ERVW-1: variants seen among roughly 807,000 people sequenced by gnomAD.
ERVW-1 encodes the protein syncytin-1.
In ERVW-1, 21 loss-of-function variants were observed where a neutral mutation model predicts 16.6. The observed-to-expected ratio is 1.26, with a 90% CI of 0.90 to 1.82. The LOEUF (loss-of-function observed/expected upper bound fraction) is 1.82. ERVW-1 is among the 40% of genes most tolerant of loss of function. The probability of loss-of-function intolerance (pLI) is 0.00; values close to 1 mark genes in which losing one functional copy is unlikely to be tolerated. For missense variants in ERVW-1, 412 were observed against 300.2 expected (o/e 1.37, Z -2.75); for synonymous variants, 161 against 109.8 (o/e 1.47, Z -2.92).
At position 92,470,533 on chromosome 7, in the gene ERVW-1, C is replaced by T. The variant is rs868510232; in HGVS notation, c.-152G>A. ...GGATTTGACTCAAGTGTGATGTATC[C>T]AAGACTCCACTCCAGCCACTTTAAC... On this transcript the variant is annotated 5_prime_UTR_variant, in exon 2 of 2. Transcript: ENST00000603053. The T allele has an allele frequency of 1.5e-4, 87 of 566,220 alleles. No individual in the cohort carries two copies. The highest frequency in any genetic ancestry group is 2.2e-5 in the Non-Finnish European group (7 of 318,534). The allele number at this position is 566,220 out of a possible 1,614,324, so 35.1% of individuals were successfully genotyped here. A position where few individuals can be genotyped will look rare whatever the true frequency, so the allele number is the denominator to read the frequency against.
At chr7:92,473,900 C>A (rs1210678136) in intron 1 of ERVW-1, among the ~76,000 whole-genome samples, 1 of 152,126 alleles carries the variant, frequency 6.6e-6, no homozygotes, top group Admixed American at 6.5e-5. Context: ...GCTGCTGGAT[C>A]ATCTGGTTAG....
rs760853581 is a variant in ERVW-1, at chr7:92,468,891, G to T, written c.1491C>A (p.Ile497=). The change falls in exon 2 of 2, where the codon ATC becomes ATA. Residue 497 remains isoleucine (I), a synonymous_variant. Transcript: ENST00000603053. The part of the protein sequence containing the change: ...MEPKMQSKTK[I]YRRPLDRPAS... Reference sequence around the variant, plus strand: ...CAGGCCGGTCCAGGGGTCTGCGGTAGATCTTAGTCTTGGACTGCATCTTGG... The same window carrying T: ...CAGGCCGGTCCAGGGGTCTGCGGTATATCTTAGTCTTGGACTGCATCTTGG... The T allele has an allele frequency of 2.4e-5, 18 of 764,358 alleles. No individual in the cohort carries two copies. In the East Asian group the frequency reaches 4.4e-4, roughly 19 times the overall value. 47.3% of individuals were successfully genotyped at this position (764,358 alleles called of 1,614,324 possible). A position where few individuals can be genotyped will look rare whatever the true frequency, so the allele number is the denominator to read the frequency against.
rs768689829 is a variant in ERVW-1, at chr7:92,468,449, A to G, written c.*316T>C. 6 of 211,022 alleles carry G rather than the reference A, an allele frequency of 2.8e-5. No homozygotes were observed. Among genetic ancestry groups the G allele is most frequent in the Non-Finnish European group, 5.6e-5 (6 of 106,524 alleles). The allele number at this position is 211,022 out of a possible 1,614,324, so 13.1% of individuals were successfully genotyped here. A position where few individuals can be genotyped will look rare whatever the true frequency, so the allele number is the denominator to read the frequency against. On this transcript the variant is annotated 3_prime_UTR_variant, in exon 2 of 2. Transcript: ENST00000603053. ...CTCCCATACAAAGGGAGGGGACCCA[A>G]AGGGGGTTGCCGTTGCCGGCTCGAA...
intron 1 of ERVW-1, among the ~76,000 whole-genome samples, chr7:92,474,437 T>C (rs1298654946): frequency 8.5e-5 from 13 of 152,244 alleles, no homozygotes; most frequent in South Asian, 2.1e-4. Flanking sequence ...GTGGACATCA[T>C]TGAGTAATTC....
At position 92,468,659 on chromosome 7, in the gene ERVW-1, T is replaced by A. The variant is rs1027969518; in HGVS notation, c.*106A>T. On this transcript the variant is annotated 3_prime_UTR_variant, in exon 2 of 2. Transcript: ENST00000603053. ...GATGTGGTCACCTTCCCAGCTAGGC[T>A]TAGGGATTCTTAGTCAGCCTAGGAA... The A allele has an allele frequency of 3.3e-6, 2 of 606,524 alleles. No individual in the cohort carries two copies. The highest frequency in any genetic ancestry group is 6.0e-5 in the Admixed American group (2 of 33,344). 37.6% of individuals were successfully genotyped at this position (606,524 alleles called of 1,614,324 possible). A position where few individuals can be genotyped will look rare whatever the true frequency, so the allele number is the denominator to read the frequency against.
chr7:92,470,654 C>CA lies in ERVW-1; in HGVS notation c.-227-47dup, dbSNP rs554441393. 4.8e-4 allele frequency: 156 copies of CA among 326,550 alleles called. No individual in the cohort carries two copies. The East Asian group carries it at 7.7e-3, about 16-fold the overall frequency. The allele number at this position is 326,550 out of a possible 1,614,324, so 20.2% of individuals were successfully genotyped here. On this transcript the variant is annotated intron_variant, in intron 1 of 1. Transcript: ENST00000603053. The stretch of plus-strand genomic sequence containing the variant: ...GGAAGGGACTTGACTAATACCATGT[C>CA]ACAAGGGTGGAATAGTTCTTTTCCC...
chr7:92,470,603 A>G lies in ERVW-1; in HGVS notation c.-222T>C, dbSNP rs1790309205. On this transcript the variant is annotated 5_prime_UTR_variant, in exon 2 of 2. Transcript: ENST00000603053. ...ATGACTGGGTAGGGTCCTTCCCAGG[A>G]TGTATCTAGGGATGGGGAATTAGAG... 6.3e-6 allele frequency: 3 copies of G among 476,576 alleles called. No homozygotes were observed. Among genetic ancestry groups the G allele is most frequent in the South Asian group, 4.5e-5 (1 of 22,044 alleles). 29.5% of individuals were successfully genotyped at this position (476,576 alleles called of 1,614,324 possible). A position where few individuals can be genotyped will look rare whatever the true frequency, so the allele number is the denominator to read the frequency against.
At chr7:92,473,401 G>T (rs1405972008) in intron 1 of ERVW-1, among the ~76,000 whole-genome samples, 1 of 151,992 alleles carries the variant, frequency 6.6e-6, no homozygotes, top group African/African-American at 2.4e-5. Context: ...GGTCTGAGGG[G>T]GTACTGCCTT....
rs757544641 is a variant in ERVW-1 at position 92,470,402 on chromosome 7, A to T, written c.-21T>A. 1 of 675,650 alleles carries T rather than the reference A, an allele frequency of 1.5e-6. No individual in the cohort carries two copies. The highest frequency in any genetic ancestry group is 1.7e-5 in the South Asian group (1 of 57,774). The allele number at this position is 675,650 out of a possible 1,614,324, so 41.9% of individuals were successfully genotyped here. The stretch of plus-strand genomic sequence containing the variant: ...GCCATGGGGATTTATGATTTTAGTT[A>T]CTTTCCTCCTGGTTGTTGTTTGAAG... On this transcript the variant is annotated 5_prime_UTR_variant, in exon 2 of 2. Coordinates refer to ENST00000603053, the MANE Select transcript of ERVW-1 (RefSeq NM_001130925.2).
chr7:92,469,859 G>C lies in ERVW-1; in HGVS notation c.523C>G (p.Leu175Val), dbSNP rs1192878310. The C allele has an allele frequency of 1.3e-6, 1 of 776,118 alleles. No homozygotes were observed. Among genetic ancestry groups the C allele is most frequent in the South Asian group, 1.3e-5 (1 of 74,522 alleles). 48.1% of individuals were successfully genotyped at this position (776,118 alleles called of 1,614,324 possible). ...VSLFNTTLTG[L>V]HEVSAQNPTN... ...GGGTTTTGGGCCGAGACCTCATGGAGCCCAGTGAGGGTGGTATTAAATAGG... is the reference window on the plus strand; with the variant it reads ...GGGTTTTGGGCCGAGACCTCATGGACCCCAGTGAGGGTGGTATTAAATAGG... Residue 175 changes from leucine to valine, a missense_variant, in exon 2 of 2, where the codon CTC becomes GTC. Physicochemically the swap from Leu to Val is conservative, Grantham distance 32. Transcript: ENST00000603053.
At position 92,468,790 on chromosome 7, in the gene ERVW-1, C is replaced by T. The variant is rs372184969; in HGVS notation, c.1592G>A (p.Arg531His). 68 of 754,068 alleles carry T rather than the reference C, an allele frequency of 9.0e-5. No individual in the cohort carries two copies. Among genetic ancestry groups the T allele is most frequent in the Admixed American group, 1.6e-4 (9 of 57,252 alleles). 46.7% of individuals were successfully genotyped at this position (754,068 alleles called of 1,614,324 possible). The change falls in exon 2 of 2, where the codon CGC (arginine) becomes CAC (histidine). Residue 531 changes from arginine (R) to histidine (H), a missense_variant. Coordinates refer to ENST00000603053, the MANE Select transcript of ERVW-1 (RefSeq NM_001130925.2). ...CTAACTGCTTCCTGCTGAATTGGGG[C>T]GTAGTAGAGGTTGTGCAGCTGAGAT... is the stretch of plus-strand genomic sequence containing the variant. ...EEISAAQPLL[R>H]PNSAGSS
In ERVW-1 at chr7:92,470,014, TG is replaced by T. The variant is rs761556235; in HGVS notation, c.367del (p.Gln123ArgfsTer7). The stretch of plus-strand genomic sequence containing the variant: ...TTCTTTTACATGTTTTTCTCTTGCC[TG>T]ATCTTGAACTCCACCCCCATCAGAC... ...GMSDGGGVQD[Q>X]AREKHVKEVI... On this transcript the variant is annotated frameshift_variant, in exon 2 of 2. Transcript: ENST00000603053. LOFTEE classifies it high-confidence loss of function. 2.6e-6 allele frequency: 2 copies of T among 778,750 alleles called. No homozygotes were observed. Among genetic ancestry groups the T allele is most frequent in the Non-Finnish European group, 4.8e-6 (2 of 417,862 alleles). 48.2% of individuals were successfully genotyped at this position (778,750 alleles called of 1,614,324 possible). A position where few individuals can be genotyped will look rare whatever the true frequency, so the allele number is the denominator to read the frequency against.
Position 92,469,737 on chromosome 7 carries a change from G to A in ERVW-1, c.645C>T (p.Thr215=). The part of the protein sequence containing the change: ...QWNNFSTEIN[T]TSVLVGPLVS... Reference sequence around the variant, plus strand: ...CAAGAGGTCCTACTAAAACGGAAGTGGTGTTTATTTCTGTGCTGAAGTTGT... The same window carrying A: ...CAAGAGGTCCTACTAAAACGGAAGTAGTGTTTATTTCTGTGCTGAAGTTGT... The change falls in exon 2 of 2, where the codon ACC becomes ACT. Residue 215 remains threonine, a synonymous_variant. Coordinates refer to ENST00000603053, the MANE Select transcript of ERVW-1 (RefSeq NM_001130925.2). 2 of 764,132 alleles carry A rather than the reference G, an allele frequency of 2.6e-6. No individual in the cohort carries two copies. The highest frequency in any genetic ancestry group is 3.6e-4 in the Middle Eastern group (1 of 2,808). 47.3% of individuals were successfully genotyped at this position (764,132 alleles called of 1,614,324 possible).
chr7:92,476,614 TTGTC>T (rs1790555491), intron 1 of ERVW-1, among the ~76,000 whole-genome samples: 1 of 151,948 alleles, frequency 6.6e-6, no homozygotes, highest in Admixed American at 6.6e-5. Flanking sequence ...TCTCTCCTCT[TTGTC>T]TCTCTCTCTC....
chr7:92,469,709 A>C lies in ERVW-1; in HGVS notation c.673T>G (p.Ser225Ala), dbSNP rs763042890. 26 of 764,104 alleles carry C rather than the reference A, an allele frequency of 3.4e-5. No homozygotes were observed. 47.3% of individuals were successfully genotyped at this position (764,104 alleles called of 1,614,324 possible). A position where few individuals can be genotyped will look rare whatever the true frequency, so the allele number is the denominator to read the frequency against. Reference protein sequence around the residue: ...TTSVLVGPLVSNLEITHTSNL... With the variant: ...TTSVLVGPLVANLEITHTSNL... ...GAGGTATGGGTTATTTCCAGATTGG[A>C]AACAAGAGGTCCTACTAAAACGGAA... Residue 225 changes from serine to alanine, a missense_variant, in exon 2 of 2, where the codon TCC (serine) becomes GCC (alanine). Physicochemically the swap from Ser to Ala is moderately conservative, Grantham distance 99. Transcript: ENST00000603053.
chr7:92,474,112 C>G lies in ERVW-1; in HGVS notation c.-228+3270G>C, dbSNP rs181606256. On this transcript the variant is annotated intron_variant, in intron 1 of 1. Coordinates refer to ENST00000603053, the MANE Select transcript of ERVW-1 (RefSeq NM_001130925.2). ...TTCCCTTTTCCAGAGCCTCCAAAGTCCACTTGCCTGAGGGTCATGACTAAA... is the reference window on the plus strand; with the variant it reads ...TTCCCTTTTCCAGAGCCTCCAAAGTGCACTTGCCTGAGGGTCATGACTAAA... Among the ~76,000 whole-genome samples, 6 of 152,282 alleles carry G rather than the reference C, an allele frequency of 3.9e-5. No individual in the cohort carries two copies. In the East Asian group the frequency reaches 9.6e-4, roughly 24 times the overall value.
intron 1 of ERVW-1, among the ~76,000 whole-genome samples, chr7:92,474,139 C>T (rs1394873513): frequency 3.9e-5 from 6 of 152,174 alleles, no homozygotes; most frequent in South Asian, 4.2e-4. Flanking sequence ...ATGACTAAAG[C>T]GGTGGCCTTT....
rs564588326 is a variant in ERVW-1, at chr7:92,477,419, C to T, written c.-265G>A. On this transcript the variant is annotated 5_prime_UTR_variant, in exon 1 of 2. Transcript: ENST00000603053. ...CCGTTCGTGGTTGCCAAAATGTTAC[C>T]GGGGGGTCCTTGCTCACAGAGCTCC... The T allele has an allele frequency of 3.9e-5, 6 of 152,368 alleles. No homozygotes were observed. Among genetic ancestry groups the T allele is most frequent in the African/African-American group, 4.8e-5 (2 of 41,540 alleles). The allele number at this position is 152,368 out of a possible 1,614,324, so 9.4% of individuals were successfully genotyped here. A position where few individuals can be genotyped will look rare whatever the true frequency, so the allele number is the denominator to read the frequency against.
At chr7:92,473,124 A>G (rs968342248) in intron 1 of ERVW-1, 3 of 150,426 alleles carry the variant, frequency 2.0e-5, no homozygotes, top group Non-Finnish European at 4.4e-5. Context: ...ATGTACAGGG[A>G]TGCAGAAGAA....
Sources: gnomAD v4.1 joint callset for allele counts (sites outside exome capture counted in the v4.1 genomes callset) on GRCh38, gnomAD v4.1.1 for gene constraint, MANE v1.5 for transcripts, NCBI Gene and HGNC (gene_info 2026-07-23, HGNC 2026-07-21) for gene names.